Variants in PRKAR2A observed in about 807,000 individuals in gnomAD.
PRKAR2A encodes protein kinase cAMP-dependent type II regulatory subunit alpha.
A neutral mutation model predicts 51.9 loss-of-function variants in PRKAR2A; 29 were observed. The observed-to-expected ratio is 0.56, with a 90% CI of 0.42 to 0.76. The LOEUF is 0.76. Among genes scored for constraint, PRKAR2A ranks in the 30% least tolerant of loss-of-function variants. The pLI is 0.00. For missense variants in PRKAR2A, 445 were observed against 512.1 expected (o/e 0.87, Z 1.26); for synonymous variants, 178 against 186.2 (o/e 0.96, Z 0.36).
At chr3:48,800,919 C>T (rs1020426435) in intron 2 of PRKAR2A, among the ~76,000 whole-genome samples, 2 of 152,178 alleles carry the variant, frequency 1.3e-5, no homozygotes, top group East Asian at 1.9e-4. Context: ...GTGATCCACC[C>T]GCCTCAGCCT....
At position 48,847,279 on chromosome 3, in the gene PRKAR2A, C is replaced by G; in HGVS notation, c.262+56G>C. 3 of 1,591,344 alleles carry G rather than the reference C, an allele frequency of 1.9e-6. No homozygotes were observed. The highest frequency in any genetic ancestry group is 2.6e-6 in the Non-Finnish European group (3 of 1,167,722). ...CGCGACACCTGGCTCCCTGCCACCC[C>G]TCTAGACCTCTGGAGACCTCCTGCA... On this transcript the variant is annotated intron_variant, in intron 1 of 10. Transcript: ENST00000265563. This position sits in a 1 kb window ranked among gnomAD's most constrained non-coding sequence, Gnocchi z 4.4.
intron 9 of PRKAR2A, 83 bp downstream of exon 9, chr3:48,756,296 G>T (rs2081762751): frequency 1.7e-6 from 2 of 1,190,912 alleles, no homozygotes; most frequent in East Asian, 2.3e-5. Flanking sequence ...TGATGGTTTG[G>T]TGTATTCAAC....
Position 48,847,461 on chromosome 3 carries a change from G to C in PRKAR2A, c.136C>G (p.Pro46Ala). ...YFTRLREARA[P>A]ASVLPAATPR... The stretch of plus-strand genomic sequence containing the variant: ...GTGGCGGCGGGCAGGACTGAGGCTG[G>C]GGCGCGGGCCTCGCGCAGGCGGGTG... The change falls in exon 1 of 11, where the codon CCA (proline) becomes GCA (alanine). Residue 46 changes from proline (P) to alanine (A), a missense_variant. Physicochemically the swap from Pro to Ala is conservative, Grantham distance 27. Transcript: ENST00000265563. This position sits in a 1 kb window ranked among gnomAD's most constrained non-coding sequence, Gnocchi z 4.4. 6.4e-7 allele frequency: 1 copy of C among 1,571,996 alleles called. No individual in the cohort carries two copies. Among genetic ancestry groups the C allele is most frequent in the Non-Finnish European group, 8.6e-7 (1 of 1,158,850 alleles).
chr3:48,769,480 C>CTT (rs540463001), intron 6 of PRKAR2A, among the ~76,000 whole-genome samples: 2 of 142,528 alleles, frequency 1.4e-5, no homozygotes, highest in African/African-American at 2.6e-5. Flanking sequence ...CTTACAGCGA[C>CTT]TTTTTTTTTT....
At chr3:48,783,604 G>A (rs560390560) in intron 4 of PRKAR2A, among the ~76,000 whole-genome samples, 14 of 152,036 alleles carry the variant, frequency 9.2e-5, no homozygotes, top group African/African-American at 2.2e-4. Context: ...TTCTGGAGAC[G>A]GAGTCTCACT....
intron 5 of PRKAR2A, 68 bp from the exon 6 acceptor site, chr3:48,773,176 C>A: frequency 1.6e-6 from 2 of 1,260,628 alleles, no homozygotes; most frequent in Non-Finnish European, 2.2e-6. Context: ...CTGGCAGGTA[C>A]ATATAATAGA....
intron 3 of PRKAR2A, among the ~76,000 whole-genome samples, chr3:48,791,935 T>TA (rs1255422365): frequency 1.7e-5 from 2 of 120,224 alleles, no homozygotes; most frequent in African/African-American, 6.3e-5. Flanking sequence ...AAAAAAAAGA[T>TA]AGTGTTAAAT....
Position 48,780,163 on chromosome 3 carries a change from C to CA in PRKAR2A, c.542+2822dup, listed in dbSNP as rs1434876077. On this transcript the variant is annotated intron_variant, in intron 5 of 10. Transcript: ENST00000265563. The stretch of plus-strand genomic sequence containing the variant: ...ACAGAGTGAGACTCCGTACCCCCCC[C>CA]AAAAAAAAACAAAAAAACCTATTCT... Among the ~76,000 whole-genome samples the CA allele has an allele frequency of 1.5e-4, 22 of 148,600 alleles. 1 individual carries two copies. Among genetic ancestry groups the CA allele is most frequent in the Admixed American group, 6.1e-4 (9 of 14,822 alleles).
intron 2 of PRKAR2A, among the ~76,000 whole-genome samples, chr3:48,800,632 A>C (rs1205404541): frequency 6.6e-6 from 1 of 151,902 alleles, no homozygotes; most frequent in Non-Finnish European, 1.5e-5. Flanking sequence ...ATGTAGAGGG[A>C]CTGTTTTGCT....
intron 2 of PRKAR2A, among the ~76,000 whole-genome samples, chr3:48,795,218 C>T (rs1011654186): frequency 3.3e-5 from 5 of 152,110 alleles, no homozygotes; most frequent in African/African-American, 9.7e-5. Flanking sequence ...CCTCAACCAC[C>T]CGCCTCGGCC....
At chr3:48,842,089 T>C (rs1046516308) in intron 1 of PRKAR2A, among the ~76,000 whole-genome samples, 11 of 152,200 alleles carry the variant, frequency 7.2e-5, no homozygotes, top group Non-Finnish European at 1.5e-4. Context: ...TTTATTTCAT[T>C]GAGCAGTGGT....
At chr3:48,842,870 ACT>A (rs1470717505) in intron 1 of PRKAR2A, among the ~76,000 whole-genome samples, 1 of 151,874 alleles carries the variant, frequency 6.6e-6, no homozygotes, top group South Asian at 2.1e-4. Context: ...TTGGTCTAAA[ACT>A]CTCTTTTTTG....
chr3:48,813,703 AAAC>A (rs2107379548), intron 1 of PRKAR2A, among the ~76,000 whole-genome samples: 1 of 152,084 alleles, frequency 6.6e-6, no homozygotes, highest in East Asian at 1.9e-4. Context: ...CAAAAAAACA[AAAC>A]AAAACAAAAC....
At chr3:48,769,859 C>A (rs1240610272) in intron 6 of PRKAR2A, among the ~76,000 whole-genome samples, 1 of 152,104 alleles carries the variant, frequency 6.6e-6, no homozygotes, top group East Asian at 1.9e-4. Context: ...CTCACTGCAG[C>A]CTTGACCTCT....
At chr3:48,799,128 C>T (rs1222126113) in intron 2 of PRKAR2A, among the ~76,000 whole-genome samples, 1 of 152,186 alleles carries the variant, frequency 6.6e-6, no homozygotes, top group Non-Finnish European at 1.5e-5. Flanking sequence ...GGGTTCTGCA[C>T]ATCTGGCTGC....
At chr3:48,810,722 T>C (rs1359841718) in intron 1 of PRKAR2A, among the ~76,000 whole-genome samples, 1 of 152,214 alleles carries the variant, frequency 6.6e-6, no homozygotes, top group Non-Finnish European at 1.5e-5. Flanking sequence ...TGTGCATATG[T>C]ACATACATGT....
At chr3:48,784,268 G>C (rs1459708969) in intron 4 of PRKAR2A, among the ~76,000 whole-genome samples, 2 of 152,130 alleles carry the variant, frequency 1.3e-5, no homozygotes, top group African/African-American at 4.8e-5. Flanking sequence ...CTGAAGACCT[G>C]AAAAGAGAAT....
chr3:48,772,578 C>A (rs2082044573), intron 6 of PRKAR2A, among the ~76,000 whole-genome samples: 1 of 152,040 alleles, frequency 6.6e-6, no homozygotes, highest in Non-Finnish European at 1.5e-5. Context: ...AAGTGTGTGA[C>A]CTATCCTTAA....
intron 5 of PRKAR2A, among the ~76,000 whole-genome samples, chr3:48,779,502 C>T (rs1306877470): frequency 6.6e-6 from 1 of 151,684 alleles, no homozygotes; most frequent in African/African-American, 2.4e-5. Context: ...AAATATAGAC[C>T]TGGCATGGTG....
Sources: gnomAD v4.1 joint callset for allele counts (sites outside exome capture counted in the v4.1 genomes callset) on GRCh38, gnomAD v4.1.1 for gene constraint, Gnocchi (gnomAD v3.1) non-coding constraint, MANE v1.5 for transcripts, NCBI Gene and HGNC (gene_info 2026-07-23, HGNC 2026-07-21) for gene names.